Variants in SYNDIG1 observed in about 807,000 individuals in gnomAD.
SYNDIG1 encodes synapse differentiation-inducing gene protein 1.
In SYNDIG1, 9 loss-of-function variants were observed where a neutral mutation model predicts 19.4. The ratio of observed to expected loss-of-function variants is 0.46; its 90% CI spans 0.28 to 0.81. The LOEUF (loss-of-function observed/expected upper bound fraction) is 0.81, where lower values mean the gene tolerates loss of function less well. SYNDIG1 is among the 30% of genes least tolerant of loss of function. The probability of loss-of-function intolerance (pLI) is 0.12; values close to 1 mark genes in which losing one functional copy is unlikely to be tolerated. For synonymous variants in SYNDIG1, 141 were observed against 145.9 expected (o/e 0.97, Z 0.24); for missense variants, 311 against 343.3 (o/e 0.91, Z 0.74).
At chr20:24,649,677 C>T (rs1403889070) in intron 3 of SYNDIG1, among the ~76,000 whole-genome samples, 1 of 152,146 alleles carries the variant, frequency 6.6e-6, no homozygotes, top group African/African-American at 2.4e-5. Context: ...AACACCACGT[C>T]CTGTCTCCCC....
chr20:24,509,424 T>A (rs1194922486), intron 1 of SYNDIG1, among the ~76,000 whole-genome samples: 1 of 152,256 alleles, frequency 6.6e-6, no homozygotes, highest in Non-Finnish European at 1.5e-5. Context: ...GAGTTTAGAA[T>A]CCCCTTGCTT....
intron 1 of SYNDIG1, among the ~76,000 whole-genome samples, chr20:24,481,437 G>A (rs2055794188): frequency 6.6e-6 from 1 of 152,196 alleles, no homozygotes; most frequent in African/African-American, 2.4e-5. Context: ...CCAGCATGGT[G>A]TCAAGGGGGC....
chr20:24,564,560 T>C (rs990032585), intron 2 of SYNDIG1, among the ~76,000 whole-genome samples: 9 of 152,114 alleles, frequency 5.9e-5, no homozygotes, highest in Non-Finnish European at 1.2e-4. Context: ...TCCAAAATAA[T>C]AAAAAGAGGT....
At chr20:24,607,526 A>G (rs1236258698) in intron 3 of SYNDIG1, among the ~76,000 whole-genome samples, 1 of 152,168 alleles carries the variant, frequency 6.6e-6, no homozygotes, top group East Asian at 1.9e-4. Flanking sequence ...GCCTCGGCCC[A>G]TGACGAATGT....
intron 3 of SYNDIG1, among the ~76,000 whole-genome samples, chr20:24,643,152 A>G (rs1244688167): frequency 3.3e-5 from 5 of 152,168 alleles, no homozygotes; most frequent in African/African-American, 1.2e-4. Flanking sequence ...ACTCTAACTC[A>G]TTGTCACACA....
At chr20:24,556,084 T>C (rs1211020877) in intron 2 of SYNDIG1, among the ~76,000 whole-genome samples, 1 of 152,144 alleles carries the variant, frequency 6.6e-6, no homozygotes, top group Admixed American at 6.5e-5. Context: ...TCTTTTGATC[T>C]TTGTTGGTTT....
intron 1 of SYNDIG1, among the ~76,000 whole-genome samples, chr20:24,534,591 A>G (rs1257860226): frequency 6.6e-6 from 1 of 152,094 alleles, no homozygotes; most frequent in Non-Finnish European, 1.5e-5. Context: ...TTCACAGGAG[A>G]TTGTGCCCTG....
intron 2 of SYNDIG1, among the ~76,000 whole-genome samples, chr20:24,566,399 A>G (rs1200335318): frequency 6.6e-6 from 1 of 152,256 alleles, no homozygotes; most frequent in South Asian, 2.1e-4. Context: ...TAAATGAAAT[A>G]TCTGAAGAAA....
chr20:24,606,555 A>T (rs1175145168), intron 3 of SYNDIG1, among the ~76,000 whole-genome samples: 2 of 152,248 alleles, frequency 1.3e-5, no homozygotes, highest in Non-Finnish European at 2.9e-5. Context: ...GAAAGTTATT[A>T]TAAAAAGAGA....
At chr20:24,636,589 C>T (rs1433549963) in intron 3 of SYNDIG1, among the ~76,000 whole-genome samples, 3 of 152,186 alleles carry the variant, frequency 2.0e-5, no homozygotes, top group African/African-American at 7.2e-5. Flanking sequence ...TCTACCTGGC[C>T]AGTGCCATGT....
intron 3 of SYNDIG1, among the ~76,000 whole-genome samples, chr20:24,640,934 A>G (rs1437479515): frequency 2.0e-4 from 31 of 152,236 alleles, no homozygotes; most frequent in Non-Finnish European, 1.5e-5. Context: ...TTCACTCCAA[A>G]GTGTCCATTC....
At chr20:24,647,725 A>C (rs2059435010) in intron 3 of SYNDIG1, among the ~76,000 whole-genome samples, 1 of 151,168 alleles carries the variant, frequency 6.6e-6, no homozygotes, top group Non-Finnish European at 1.5e-5. Context: ...TTTTCATTTG[A>C]GATAAAAAGC....
At chr20:24,584,811 T>C in intron 2 of SYNDIG1, 45 bp from the exon 3 acceptor site, 1 of 1,613,428 alleles carries the variant, frequency 6.2e-7, no homozygotes, top group Non-Finnish European at 8.5e-7. Flanking sequence ...ATGACTCCTT[T>C]ATTAATCTTC....
At chr20:24,578,341 G>T (rs575460908) in intron 2 of SYNDIG1, among the ~76,000 whole-genome samples, 1 of 152,060 alleles carries the variant, frequency 6.6e-6, no homozygotes, top group South Asian at 2.1e-4. Context: ...TACTCCAGAG[G>T]CTGAGGCAGG....
rs2059645417 is a variant in SYNDIG1 at position 24,666,173 on chromosome 20, C to G, written c.*669C>G. The stretch of plus-strand genomic sequence containing the variant: ...TCCGGAACGTGTCTACACTCCACAG[C>G]TACCCCGCAGCAATACGCACTCTTG... On this transcript the variant is annotated 3_prime_UTR_variant, in exon 4 of 4. Transcript: ENST00000376862. 1 of 152,812 alleles carries G rather than the reference C, an allele frequency of 6.5e-6. No individual in the cohort carries two copies. The highest frequency in any genetic ancestry group is 2.1e-4 in the South Asian group (1 of 4,834). 9.5% of individuals were successfully genotyped at this position (152,812 alleles called of 1,614,324 possible). A position where few individuals can be genotyped will look rare whatever the true frequency, so the allele number is the denominator to read the frequency against.
At chr20:24,479,614 A>G (rs990358809) in intron 1 of SYNDIG1, among the ~76,000 whole-genome samples, 4 of 151,998 alleles carry the variant, frequency 2.6e-5, no homozygotes, top group Admixed American at 6.6e-5. Flanking sequence ...CCTCATCACT[A>G]GATCTAAGTA....
At position 24,628,290 on chromosome 20, in the gene SYNDIG1, C is replaced by T. The variant is rs571466225; in HGVS notation, c.619-37056C>T. On this transcript the variant is annotated intron_variant, in intron 3 of 3. Coordinates refer to ENST00000376862, the MANE Select transcript of SYNDIG1 (RefSeq NM_024893.3). The stretch of plus-strand genomic sequence containing the variant: ...TCTGAAGGGAGTACCAGGGGAGCCC[C>T]GCAAACTTGGACGTCTGCAGCAAAG... 6.6e-4 allele frequency among the ~76,000 whole-genome samples: 100 copies of T among 152,298 alleles called. No individual in the cohort carries two copies. In the Middle Eastern group the frequency reaches 0.01, roughly 16 times the overall value.
chr20:24,577,414 G>A (rs1473638294), intron 2 of SYNDIG1, among the ~76,000 whole-genome samples: 1 of 152,272 alleles, frequency 6.6e-6, no homozygotes, highest in Admixed American at 6.5e-5. Flanking sequence ...GATGGTGCAG[G>A]TGCTGGAGGA....
chr20:24,608,216 C>A (rs984236726), intron 3 of SYNDIG1, among the ~76,000 whole-genome samples: 2 of 149,214 alleles, frequency 1.3e-5, no homozygotes, highest in East Asian at 1.9e-4. Context: ...GAGACAGTCT[C>A]GCTCTGTCAC....
Sources: gnomAD v4.1 joint callset for allele counts (sites outside exome capture counted in the v4.1 genomes callset) on GRCh38, gnomAD v4.1.1 for gene constraint, MANE v1.5 for transcripts, NCBI Gene and HGNC (gene_info 2026-07-23, HGNC 2026-07-21) for gene names.